The following GSE1 variants were observed in gnomAD, a reference collection of about 807,000 sequenced individuals.
GSE1 encodes the protein Gse1 coiled-coil protein.
A neutral mutation model predicts 112.6 loss-of-function variants in GSE1; 32 were observed. That is an observed-to-expected ratio of 0.28 (90% confidence interval 0.21 to 0.38). The LOEUF is 0.38. Among genes scored for constraint, GSE1 ranks in the 10% least tolerant of loss-of-function variants. GSE1 has a pLI of 1.00. For synonymous variants in GSE1, 1,115 were observed against 735.6 expected (o/e 1.52, Z -8.35); for missense variants, 2,348 against 1,699.2 (o/e 1.38, Z -6.71).
intron 9 of GSE1, chr16:85,662,757 G>A: frequency 3.7e-6 from 2 of 537,340 alleles, no homozygotes; most frequent in Non-Finnish European, 3.3e-6. Flanking sequence ...CCCAGCTACT[G>A]GGAGCCATGG....
intron 2 of GSE1, among the ~76,000 whole-genome samples, chr16:85,640,596 C>A (rs903850610): frequency 6.6e-6 from 1 of 152,190 alleles, no homozygotes; most frequent in Non-Finnish European, 1.5e-5. Flanking sequence ...GTGGGGACTA[C>A]GTGTGCGGGG....
intron 2 of GSE1, among the ~76,000 whole-genome samples, chr16:85,396,957 A>G (rs1045121603): frequency 5.3e-5 from 8 of 152,224 alleles, no homozygotes; most frequent in African/African-American, 1.7e-4. Context: ...CAGGCAGAGA[A>G]CAGAGTGACA....
chr16:85,493,948 T>C (rs1469869181), intron 2 of GSE1, among the ~76,000 whole-genome samples: 1 of 151,434 alleles, frequency 6.6e-6, no homozygotes, highest in Admixed American at 6.6e-5. Context: ...CTTGACATGG[T>C]AGTGGTTGCC....
At chr16:85,412,860 G>T (rs778011595) in intron 2 of GSE1, among the ~76,000 whole-genome samples, 2 of 152,194 alleles carry the variant, frequency 1.3e-5, no homozygotes, top group Non-Finnish European at 2.9e-5. Flanking sequence ...CGCATTCACA[G>T]GTTCCAGGGA....
chr16:85,620,167 T>C (rs1197822532), intron 1 of GSE1, among the ~76,000 whole-genome samples: 5 of 152,146 alleles, frequency 3.3e-5, no homozygotes, highest in African/African-American at 7.2e-5. Flanking sequence ...GCGCCTGTGG[T>C]TCCAGCTACT....
At chr16:85,217,577 G>A (rs1037953641) in intron 1 of GSE1, among the ~76,000 whole-genome samples, 5 of 152,222 alleles carry the variant, frequency 3.3e-5, no homozygotes, top group Non-Finnish European at 5.9e-5. Context: ...GTGATGCTGG[G>A]TGAAATGGGG....
rs371526396 is a variant in GSE1 at position 85,482,470 on chromosome 16, G to A, written c.2464+124827G>A. Among the ~76,000 whole-genome samples the A allele has an allele frequency of 7.5e-4, 114 of 151,500 alleles. 3 individuals carry two copies. Among genetic ancestry groups the A allele is most frequent in the Admixed American group, 7.2e-4 (11 of 15,202 alleles). On this transcript the variant is annotated intron_variant, in intron 2 of 2. Transcript: ENST00000637419. ...CAACTCGAGCGACCCGCGACCTGCA[G>A]CGGGTCCCTCAGCCTCCACGTGACT...
intron 1 of GSE1, among the ~76,000 whole-genome samples, chr16:85,177,658 C>A (rs369426587): frequency 1.3e-5 from 2 of 152,164 alleles, no homozygotes; most frequent in African/African-American, 4.8e-5. Context: ...TCTGGACTCT[C>A]TAGGAAAACG....
In GSE1 at chr16:85,657,366, C is replaced by T; in HGVS notation, c.1402C>T (p.Leu468Phe). ...CACCCCACACCACACGGTGCCCAGCCTCATCTCCAACCATGGCATCTTCTC... is the reference window on the plus strand; with the variant it reads ...CACCCCACACCACACGGTGCCCAGCTTCATCTCCAACCATGGCATCTTCTC... ...VPTPHHTVPSLISNHGIFSLP... is the reference protein window; with the variant it reads ...VPTPHHTVPSFISNHGIFSLP... The change falls in exon 8 of 16, where the codon CTC becomes TTC. Residue 468 changes from leucine (L) to phenylalanine (F), a missense_variant. Coordinates refer to ENST00000253458, the MANE Select transcript of GSE1 (RefSeq NM_014615.5). The T allele has an allele frequency of 1.9e-6, 3 of 1,612,458 alleles. No homozygotes were observed. Among genetic ancestry groups the T allele is most frequent in the Non-Finnish European group, 2.5e-6 (3 of 1,179,804 alleles).
At chr16:85,536,497 C>T (rs1007821160) in intron 2 of GSE1, among the ~76,000 whole-genome samples, 1 of 152,224 alleles carries the variant, frequency 6.6e-6, no homozygotes, top group African/African-American at 2.4e-5. Flanking sequence ...GGGCCGCGGG[C>T]AGGGCTCGTC....
chr16:85,562,094 C>T (rs2045546991), intron 1 of GSE1, among the ~76,000 whole-genome samples: 4 of 152,210 alleles, frequency 2.6e-5, no homozygotes, highest in South Asian at 2.1e-4. Context: ...GCAGGTTAGG[C>T]CTAATGGGAT....
intron 2 of GSE1, among the ~76,000 whole-genome samples, chr16:85,412,906 C>T (rs900788392): frequency 6.6e-6 from 1 of 152,176 alleles, no homozygotes; most frequent in Non-Finnish European, 1.5e-5. Flanking sequence ...GGCCGTGATC[C>T]AGCCCACCCC....
At chr16:85,541,752 C>T (rs530276724) in intron 2 of GSE1, among the ~76,000 whole-genome samples, 1 of 152,176 alleles carries the variant, frequency 6.6e-6, no homozygotes, top group Admixed American at 6.5e-5. Context: ...GGGGAAGGGG[C>T]CCTGCATGGC....
intron 1 of GSE1, among the ~76,000 whole-genome samples, chr16:85,568,089 A>G (rs771911440): frequency 1.1e-4 from 16 of 152,128 alleles, no homozygotes; most frequent in Non-Finnish European, 2.1e-4. Context: ...GGGAGATGCA[A>G]TTGATGTTTC....
chr16:85,617,412 G>A (rs1455251211), intron 1 of GSE1, among the ~76,000 whole-genome samples: 1 of 152,204 alleles, frequency 6.6e-6, no homozygotes, highest in Admixed American at 6.5e-5. Flanking sequence ...GTGGGTCCTT[G>A]TGACTTGGGG....
chr16:85,468,161 TG>T (rs1445933412), intron 2 of GSE1, among the ~76,000 whole-genome samples: 2 of 142,282 alleles, frequency 1.4e-5, no homozygotes, highest in African/African-American at 5.3e-5. Context: ...TTTCTGTACT[TG>T]GGGTTCCTTG....
chr16:85,649,345 C>T (rs1364470134), intron 3 of GSE1, among the ~76,000 whole-genome samples: 1 of 152,214 alleles, frequency 6.6e-6, no homozygotes, highest in Non-Finnish European at 1.5e-5. Flanking sequence ...GCACCCGGCA[C>T]ACTAGCTGTG....
chr16:85,170,000 C>T (rs1229287322), exon 1 of GSE1: 1 of 984,374 alleles, frequency 1.0e-6, no homozygotes, highest in Admixed American at 6.2e-5. Flanking sequence ...GGTGGCGGCC[C>T]CCGGCTGCGC....
intron 2 of GSE1, among the ~76,000 whole-genome samples, chr16:85,393,701 C>T (rs1249935773): frequency 1.3e-5 from 2 of 152,236 alleles, no homozygotes; most frequent in African/African-American, 4.8e-5. Flanking sequence ...GACCTGCACC[C>T]AGGAGGCAGC....
Sources: allele counts gnomAD v4.1 joint callset (sites outside exome capture counted in the v4.1 genomes callset), GRCh38; gene constraint gnomAD v4.1.1; transcripts MANE v1.5; gene names NCBI Gene and HGNC (gene_info 2026-07-23, HGNC 2026-07-21).